The following USP15 variants were observed in gnomAD, a reference collection of about 807,000 sequenced individuals.
USP15 encodes the protein ubiquitin carboxyl-terminal hydrolase 15.
In USP15, 18 loss-of-function variants were observed where a neutral mutation model predicts 127.1. The observed-to-expected ratio is 0.14, with a 90% CI of 0.10 to 0.21. The LOEUF is 0.21. Ranked by LOEUF, USP15 falls within the 10% of genes least tolerant of loss-of-function variation. The probability of loss-of-function intolerance (pLI) is 1.00; values close to 1 mark genes in which losing one functional copy is unlikely to be tolerated. For missense variants in USP15, 805 were observed against 1,159.9 expected, an observed-to-expected ratio of 0.69 and a Z score of 4.44; for synonymous variants, 364 against 393.7, an observed-to-expected ratio of 0.92 and a Z score of 0.89.
In USP15 at chr12:62,302,466, G is replaced by A. The variant is rs183230062; in HGVS notation, c.218-324G>A. Among the ~76,000 whole-genome samples the A allele has an allele frequency of 1.8e-3, 267 of 152,266 alleles. 1 individual carries two copies. The highest frequency in any genetic ancestry group is 3.4e-3 in the Middle Eastern group (1 of 294). ...GTTTATTTTGAAATATGTATGGCAG[G>A]CTTGTCCAACCTGCAGCCCATGGGC... On this transcript the variant is annotated intron_variant, in intron 2 of 21. Transcript: ENST00000280377.
chr12:62,354,366 A>T (rs1427897458), intron 7 of USP15, among the ~76,000 whole-genome samples: 1 of 151,954 alleles, frequency 6.6e-6, no homozygotes, highest in Admixed American at 6.6e-5. Context: ...AAGCTGTTCT[A>T]TTTATAGCAT....
intron 6 of USP15, chr12:62,336,245 C>T: frequency 1.0e-6 from 1 of 985,396 alleles, no homozygotes; most frequent in East Asian, 1.1e-4. Flanking sequence ...CTAGACTAGA[C>T]CACTTTTCTG....
At chr12:62,328,814 G>C (rs1230621886) in intron 6 of USP15, among the ~76,000 whole-genome samples, 1 of 152,116 alleles carries the variant, frequency 6.6e-6, no homozygotes, top group Non-Finnish European at 1.5e-5. Flanking sequence ...ACAACATAAT[G>C]CTAGCAAAAG....
intron 6 of USP15, among the ~76,000 whole-genome samples, chr12:62,331,810 C>T (rs1457306031): frequency 1.3e-5 from 2 of 152,274 alleles, no homozygotes; most frequent in East Asian, 3.9e-4. Flanking sequence ...TTTTAATCAG[C>T]ACCTAAAACA....
chr12:62,346,323 G>A (rs1327943723), intron 6 of USP15, among the ~76,000 whole-genome samples: 3 of 152,134 alleles, frequency 2.0e-5, no homozygotes, highest in African/African-American at 7.2e-5. Flanking sequence ...GTGAAGTATA[G>A]GTTAGTGCTA....
chr12:62,310,090 T>C (rs913123314), intron 3 of USP15, among the ~76,000 whole-genome samples: 1 of 151,944 alleles, frequency 6.6e-6, no homozygotes, highest in African/African-American at 2.4e-5. Flanking sequence ...CAATTAGAAT[T>C]AATAGGTAAA....
At chr12:62,393,525 T>A (rs2067386182) in intron 19 of USP15, 1 of 184,514 alleles carries the variant, frequency 5.4e-6, no homozygotes, top group East Asian at 1.5e-4. Context: ...TGATTTTGTT[T>A]ATCCTAGGAA....
At chr12:62,387,724 T>C (rs1236419428) in intron 11 of USP15, among the ~76,000 whole-genome samples, 3 of 152,128 alleles carry the variant, frequency 2.0e-5, no homozygotes, top group Admixed American at 1.3e-4. Flanking sequence ...ATATCATTAA[T>C]AAAGTTATTT....
At chr12:62,268,205 A>G (rs2063245559) in intron 1 of USP15, among the ~76,000 whole-genome samples, 1 of 151,874 alleles carries the variant, frequency 6.6e-6, no homozygotes, top group Admixed American at 6.6e-5. Context: ...TCATTTTACC[A>G]GTACAGAAAC....
chr12:62,388,519 G>A (rs1398518039), intron 11 of USP15, among the ~76,000 whole-genome samples: 1 of 152,184 alleles, frequency 6.6e-6, no homozygotes, highest in African/African-American at 2.4e-5. Flanking sequence ...ACTGTCAAAG[G>A]ATCAATTGAT....
intron 6 of USP15, among the ~76,000 whole-genome samples, chr12:62,337,419 G>C (rs901223667): frequency 2.6e-5 from 4 of 152,108 alleles, no homozygotes; most frequent in Middle Eastern, 3.2e-3. Context: ...ACGTCTCAGA[G>C]CTTGTGCAGA....
At chr12:62,310,732 T>A (rs1345687428) in intron 3 of USP15, among the ~76,000 whole-genome samples, 1 of 151,906 alleles carries the variant, frequency 6.6e-6, no homozygotes, top group Non-Finnish European at 1.5e-5. Flanking sequence ...TCTTTTCCTT[T>A]GGGTAGATAT....
chr12:62,384,411 A>T lies in USP15; in HGVS notation c.1473+109A>T. The T allele has an allele frequency of 6.4e-6, 5 of 785,556 alleles. No individual in the cohort carries two copies. In the South Asian group the frequency reaches 1.0e-4, roughly 16 times the overall value. The allele number at this position is 785,556 out of a possible 1,614,324, so 48.7% of individuals were successfully genotyped here. A position where few individuals can be genotyped will look rare whatever the true frequency, so the allele number is the denominator to read the frequency against. ...TATTATAAAAATTAAGTATTGAATT[A>T]TCAAGCCCAATCAATAATGTTTATT... On this transcript the variant is annotated intron_variant, in intron 11 of 21. Coordinates refer to ENST00000280377, the MANE Select transcript of USP15 (RefSeq NM_001252078.2).
At chr12:62,298,115 T>TA (rs772011284) in intron 2 of USP15, among the ~76,000 whole-genome samples, 1 of 152,054 alleles carries the variant, frequency 6.6e-6, no homozygotes, top group Non-Finnish European at 1.5e-5. Context: ...TTAAAAATAA[T>TA]AAAAAAGCAT....
chr12:62,330,900 T>C (rs1333254002), intron 6 of USP15, among the ~76,000 whole-genome samples: 1 of 146,150 alleles, frequency 6.8e-6, no homozygotes, highest in Non-Finnish European at 1.5e-5. Flanking sequence ...CACTCTAGCC[T>C]GTGCAAAAGA....
chr12:62,328,530 C>G (rs2065197792), intron 6 of USP15: 2 of 201,220 alleles, frequency 9.9e-6, no homozygotes, highest in Non-Finnish European at 2.2e-5. Flanking sequence ...ACGCATAAAA[C>G]CTTCATGGGA....
At chr12:62,398,884 C>G (rs2067583985) in intron 20 of USP15, among the ~76,000 whole-genome samples, 2 of 152,140 alleles carry the variant, frequency 1.3e-5, no homozygotes, top group South Asian at 4.1e-4. Context: ...TGTTGATTGA[C>G]CTGCTTCTCC....
In USP15 at chr12:62,389,931, C is replaced by G. The variant is rs775519736; in HGVS notation, c.1787C>G (p.Ala596Gly). Residue 596 changes from alanine (A) to glycine (G), a missense_variant, in exon 14 of 22, where the codon GCT becomes GGT. Ala to Gly is a moderately conservative substitution (Grantham distance 60). Transcript: ENST00000280377. ...CTTTTTGGTCAGCCCTTTCTTATGG[C>G]TGTACCACGAAACAATACTGAAGAC... ...SSLFGQPFLM[A>G]VPRNNTEDKL... 3.1e-6 allele frequency: 5 copies of G among 1,613,672 alleles called. No individual in the cohort carries two copies. In the Admixed American group the frequency reaches 6.7e-5, roughly 22 times the overall value.
intron 11 of USP15, among the ~76,000 whole-genome samples, chr12:62,386,045 A>G (rs1325746016): frequency 6.6e-6 from 1 of 151,830 alleles, no homozygotes; most frequent in East Asian, 1.9e-4. Context: ...GCTCTAAATT[A>G]TTTTTCCAGC....
Sources: allele counts gnomAD v4.1 joint callset (sites outside exome capture counted in the v4.1 genomes callset), GRCh38; gene constraint gnomAD v4.1.1; transcripts MANE v1.5; gene names NCBI Gene and HGNC (gene_info 2026-07-23, HGNC 2026-07-21).